Variants in RAB21 observed in about 807,000 individuals in gnomAD.
RAB21 encodes the protein ras-related protein Rab-21.
A neutral mutation model predicts 33.1 loss-of-function variants in RAB21; 13 were observed. The observed-to-expected ratio is 0.39, with a 90% CI of 0.26 to 0.62. The LOEUF is 0.62. Ranked by LOEUF, RAB21 falls within the 20% of genes least tolerant of loss-of-function variation. The probability of loss-of-function intolerance (pLI) is 0.48; values close to 1 mark genes in which losing one functional copy is unlikely to be tolerated. For synonymous variants in RAB21, 91 were observed against 103.7 expected (o/e 0.88, Z 0.74); for missense variants, 234 against 279.1 (o/e 0.84, Z 1.15).
rs1453122360 is a variant in RAB21 at position 71,793,734 on chromosome 12, G to A, written c.*8061G>A. The stretch of plus-strand genomic sequence containing the variant: ...GTAGTGGCATAAGAAATTTATTTAT[G>A]CGAAAGACATAATTTTGGGTGAACT... On this transcript the variant is annotated 3_prime_UTR_variant, in exon 7 of 7. Transcript: ENST00000261263. 3 of 152,208 alleles carry A rather than the reference G, an allele frequency of 2.0e-5. No individual in the cohort carries two copies. The highest frequency in any genetic ancestry group is 2.0e-4 in the Admixed American group (3 of 15,284). The allele number at this position is 152,208 out of a possible 1,614,324, so 9.4% of individuals were successfully genotyped here.
At chr12:71,784,666 C>T (rs1224174467) in intron 6 of RAB21, among the ~76,000 whole-genome samples, 1 of 152,100 alleles carries the variant, frequency 6.6e-6, no homozygotes. Context: ...TTTGGTTCCA[C>T]TGATCTATTT....
chr12:71,782,572 A>G lies in RAB21; in HGVS notation c.449A>G (p.Tyr150Cys). Residue 150 changes from tyrosine to cysteine, a missense_variant and splice_region_variant, in exon 6 of 7, where the codon TAT (tyrosine) becomes TGT (cysteine). Physicochemically the swap from Tyr to Cys is radical, Grantham distance 194. Transcript: ENST00000261263. ...RHVSIQEAES[Y>C]AESVGAKHYH... Reference sequence around the variant, plus strand: ...CACCGATGTTACTTTTTTTTAAGGTATGCAGAATCTGTGGGAGCAAAACAT... The same window carrying G: ...CACCGATGTTACTTTTTTTTAAGGTGTGCAGAATCTGTGGGAGCAAAACAT... The G allele has an allele frequency of 6.3e-7, 1 of 1,580,028 alleles. No homozygotes were observed. The highest frequency in any genetic ancestry group is 8.6e-7 in the Non-Finnish European group (1 of 1,159,334).
rs1008236083 is a variant in RAB21, at chr12:71,773,604, A to G, written c.328-355A>G. Among the ~76,000 whole-genome samples, 4 of 152,266 alleles carry G rather than the reference A, an allele frequency of 2.6e-5. No homozygotes were observed. In the South Asian group the frequency reaches 6.2e-4, roughly 24 times the overall value. The stretch of plus-strand genomic sequence containing the variant: ...GTATAAAAGACTGTTTTAAACCCAT[A>G]TGTTCCTAAGTCCAAAGTGACACTG... On this transcript the variant is annotated intron_variant, in intron 3 of 6. Transcript: ENST00000261263.
At chr12:71,757,330 G>A (rs113674770) in intron 1 of RAB21, among the ~76,000 whole-genome samples, 2,803 of 152,156 alleles carry the variant, frequency 0.018, 57 homozygotes, top group Non-Finnish European at 0.024. Flanking sequence ...GACAGGTCTC[G>A]AACTCCTGAC....
intron 1 of RAB21, among the ~76,000 whole-genome samples, chr12:71,756,958 G>T (rs4760807): frequency 0.97 from 147,031 of 152,280 alleles, 71,189 homozygotes; most frequent in Middle Eastern, 1. Flanking sequence ...AAGTCAATGG[G>T]GCAGGAGTGT....
intron 1 of RAB21, among the ~76,000 whole-genome samples, 193 bp from the exon 2 acceptor site, chr12:71,769,607 G>A (rs993391330): frequency 1.3e-5 from 2 of 151,930 alleles, no homozygotes; most frequent in African/African-American, 4.8e-5. Flanking sequence ...CAGAAAACAA[G>A]ATTTTTTTTT....
intron 6 of RAB21, among the ~76,000 whole-genome samples, chr12:71,784,000 G>GTAC (rs1883242762): frequency 6.6e-6 from 1 of 152,022 alleles, no homozygotes; most frequent in Non-Finnish European, 1.5e-5. Context: ...ACATGTACAA[G>GTAC]TACTAATATG....
At chr12:71,784,346 T>TG in intron 6 of RAB21, among the ~76,000 whole-genome samples, 1 of 152,320 alleles carries the variant, frequency 6.6e-6, no homozygotes, top group African/African-American at 2.4e-5. Flanking sequence ...TCATGTTTTA[T>TG]GTCTTACATG....
chr12:71,775,026 A>T (rs1298352086), intron 4 of RAB21, among the ~76,000 whole-genome samples: 1 of 152,170 alleles, frequency 6.6e-6, no homozygotes, highest in Non-Finnish European at 1.5e-5. Flanking sequence ...TAATGGTCAG[A>T]TTTGGCCATA....
chr12:71,760,246 C>CT (rs1181732056), intron 1 of RAB21, among the ~76,000 whole-genome samples: 10 of 151,918 alleles, frequency 6.6e-5, no homozygotes, highest in East Asian at 5.8e-4. Flanking sequence ...AATTCACTTT[C>CT]TTTTTTTTGT....
At position 71,799,550 on chromosome 12, in the gene RAB21, T is replaced by G. The variant is rs895060718; in HGVS notation, c.*13877T>G. 1 of 152,212 alleles carries G rather than the reference T, an allele frequency of 6.6e-6. No individual in the cohort carries two copies. The highest frequency in any genetic ancestry group is 1.5e-5 in the Non-Finnish European group (1 of 68,038). The allele number at this position is 152,212 out of a possible 1,614,324, so 9.4% of individuals were successfully genotyped here. ...TGTACAACGTTTTTCAATGCAGTAT[T>G]GTTTGTAAATTGACACCAGTAGGGG... On this transcript the variant is annotated 3_prime_UTR_variant, in exon 7 of 7. Transcript: ENST00000261263.
rs758265705 is a variant in RAB21 at position 71,755,266 on chromosome 12, A to G, written c.137A>G (p.Asp46Gly). 9 of 1,540,070 alleles carry G rather than the reference A, an allele frequency of 5.8e-6. No homozygotes were observed. In the African/African-American group the frequency reaches 1.0e-4, roughly 17 times the overall value. ...CGCTACTGCGAGAACAAGTTTAACGACAAGCACATCACCACTCTGCAGGTG... is the reference window on the plus strand; with the variant it reads ...CGCTACTGCGAGAACAAGTTTAACGGCAAGCACATCACCACTCTGCAGGTG... Reference protein sequence around the residue: ...VLRYCENKFNDKHITTLQASF... With the variant: ...VLRYCENKFNGKHITTLQASF... Residue 46 changes from aspartate to glycine, a missense_variant, in exon 1 of 7, where the codon GAC becomes GGC. Physicochemically the swap from Asp to Gly is moderately conservative, Grantham distance 94. Coordinates refer to ENST00000261263, the MANE Select transcript of RAB21 (RefSeq NM_014999.4).
Position 71,770,619 on chromosome 12 carries a change from G to A in RAB21, c.247G>A (p.Ala83Thr). The A allele has an allele frequency of 6.2e-7, 1 of 1,606,772 alleles. No homozygotes were observed. Among genetic ancestry groups the A allele is most frequent in the Non-Finnish European group, 8.5e-7 (1 of 1,174,006 alleles). Residue 83 changes from alanine (A) to threonine (T), a missense_variant, in exon 3 of 7, where the codon GCA (alanine) becomes ACA (threonine). Physicochemically the swap from Ala to Thr is moderately conservative, Grantham distance 58. Transcript: ENST00000261263. Reference protein sequence around the residue: ...WDTAGQERFHALGPIYYRDSN... With the variant: ...WDTAGQERFHTLGPIYYRDSN... ...TACGGCAGGTCAAGAGAGATTCCAT[G>A]CATTGGGTCCAATTTACTACAGAGA...
chr12:71,783,980 A>C (rs985531616), intron 6 of RAB21, among the ~76,000 whole-genome samples: 1 of 152,216 alleles, frequency 6.6e-6, no homozygotes. Flanking sequence ...GTTTATTTAG[A>C]AATTATATAA....
At chr12:71,771,555 A>G (rs1177614684) in intron 3 of RAB21, among the ~76,000 whole-genome samples, 1 of 152,246 alleles carries the variant, frequency 6.6e-6, no homozygotes, top group Non-Finnish European at 1.5e-5. Context: ...ACTTAATCCA[A>G]AAGTAGAAAA....
At chr12:71,781,997 G>A (rs1883207650) in intron 4 of RAB21, 34 bp from the exon 5 acceptor site, 2 of 1,475,014 alleles carry the variant, frequency 1.4e-6, no homozygotes, top group East Asian at 2.3e-5. Flanking sequence ...AAATAAATCA[G>A]TATAAAGATA....
intron 4 of RAB21, among the ~76,000 whole-genome samples, chr12:71,777,035 A>G (rs1883130794): frequency 2.0e-5 from 3 of 152,218 alleles, no homozygotes; most frequent in African/African-American, 7.2e-5. Flanking sequence ...AGCTGAAATC[A>G]TACTCCCTGT....
At position 71,787,351 on chromosome 12, in the gene RAB21, C is replaced by T. The variant is rs963887219; in HGVS notation, c.*1678C>T. ...AAGGAACACAGATTGTAGAGATTAA[C>T]ATAAATTGTTCTTGTTCTAATATAT... On this transcript the variant is annotated 3_prime_UTR_variant, in exon 7 of 7. Coordinates refer to ENST00000261263, the MANE Select transcript of RAB21 (RefSeq NM_014999.4). 4 of 152,040 alleles carry T rather than the reference C, an allele frequency of 2.6e-5. No individual in the cohort carries two copies. The highest frequency in any genetic ancestry group is 6.8e-3 in the Middle Eastern group (2 of 294). 9.4% of individuals were successfully genotyped at this position (152,040 alleles called of 1,614,324 possible).
chr12:71,759,718 C>T (rs1882842037), intron 1 of RAB21, among the ~76,000 whole-genome samples: 2 of 152,218 alleles, frequency 1.3e-5, no homozygotes, highest in Admixed American at 1.3e-4. Context: ...TCATGAGATG[C>T]TTTGTCAAAT....
Sources: gnomAD v4.1 joint callset for allele counts (sites outside exome capture counted in the v4.1 genomes callset) on GRCh38, gnomAD v4.1.1 for gene constraint, MANE v1.5 for transcripts, NCBI Gene and HGNC (gene_info 2026-07-23, HGNC 2026-07-21) for gene names.